Variants in STK33 observed in about 807,000 individuals in gnomAD.
STK33 encodes serine/threonine-protein kinase 33.
A neutral mutation model predicts 58.0 loss-of-function variants in STK33; 52 were observed. That is an observed-to-expected ratio of 0.90 (90% CI 0.72 to 1.13). The LOEUF (loss-of-function observed/expected upper bound fraction) is 1.13, where lower values mean the gene tolerates loss of function less well. Among genes scored for constraint, STK33 ranks in the 50% most tolerant of loss-of-function variants. The pLI, the probability that STK33 is intolerant of heterozygous loss-of-function variation, is 0.00. For synonymous variants in STK33, 215 were observed against 200.1 expected (o/e 1.07, Z -0.63); for missense variants, 630 against 604.2 (o/e 1.04, Z -0.45).
chr11:8,431,303 AG>A (rs1249132503), intron 14 of STK33, among the ~76,000 whole-genome samples: 20 of 152,222 alleles, frequency 1.3e-4, no homozygotes, highest in African/African-American at 4.8e-4. Context: ...GAAAATATAC[AG>A]AAGGAGAAAA....
At chr11:8,406,218 T>C (rs1393235224) in intron 15 of STK33, among the ~76,000 whole-genome samples, 3 of 152,144 alleles carry the variant, frequency 2.0e-5, no homozygotes, top group Non-Finnish European at 4.4e-5. Flanking sequence ...CCAATTTTGT[T>C]CTACTAATCT....
chr11:8,508,373 A>T (rs1455980995), intron 1 of STK33, among the ~76,000 whole-genome samples: 1 of 146,328 alleles, frequency 6.8e-6, no homozygotes, highest in Non-Finnish European at 1.5e-5. Flanking sequence ...GGCTGAAGTG[A>T]TCCAACTACC....
chr11:8,589,962 A>G (rs536324574), intron 1 of STK33, among the ~76,000 whole-genome samples: 44 of 152,342 alleles, frequency 2.9e-4, no homozygotes, highest in African/African-American at 9.9e-4. Context: ...TAGAGCAAAG[A>G]TAAGAGCCTC....
Position 8,461,816 on chromosome 11 carries a change from C to G in STK33, c.547G>C (p.Glu183Gln), listed in dbSNP as rs761405379. Reference protein sequence around the residue: ...EHIIHLEQVFETPKKMYLVME... With the variant: ...EHIIHLEQVFQTPKKMYLVME... ...TAATAGAGGTTTACCTTTGGCGTTT[C>G]AAATACTTGTTCCAGATGTATGATG... is the stretch of plus-strand genomic sequence containing the variant. The change falls in exon 8 of 16, where the codon GAA (glutamate) becomes CAA (glutamine). Residue 183 changes from glutamate to glutamine, a missense_variant. Glu to Gln is a conservative substitution (Grantham distance 29). Transcript: ENST00000687296. 1.3e-6 allele frequency: 2 copies of G among 1,585,798 alleles called. No homozygotes were observed. Among genetic ancestry groups the G allele is most frequent in the Non-Finnish European group, 1.7e-6 (2 of 1,169,724 alleles).
intron 1 of STK33, among the ~76,000 whole-genome samples, chr11:8,489,489 C>T (rs1448863738): frequency 6.6e-6 from 1 of 152,084 alleles, no homozygotes. Flanking sequence ...GGCACTAGCA[C>T]CTGGTGAATA....
chr11:8,569,948 CA>C (rs954787274), intron 1 of STK33, among the ~76,000 whole-genome samples: 75 of 151,562 alleles, frequency 4.9e-4, no homozygotes, highest in African/African-American at 1.7e-3. Flanking sequence ...GACCCTGTCT[CA>C]AAAAAATAAA....
rs542179601 is a variant in STK33, at chr11:8,574,720, A to G, written c.-466+19363T>C. On this transcript the variant is annotated intron_variant, in intron 1 of 15. Transcript: ENST00000687296. ...AAGCAAAAATTCTTAAGAAAATGTT[A>G]GCAAACTAAATCCTCTAATATATAA... is the stretch of plus-strand genomic sequence containing the variant. Among the ~76,000 whole-genome samples the G allele has an allele frequency of 1.5e-3, 222 of 152,280 alleles. 2 individuals carry two copies. Among genetic ancestry groups the G allele is most frequent in the African/African-American group, 5.2e-3 (217 of 41,564 alleles).
At chr11:8,560,141 T>C (rs914740327) in intron 1 of STK33, among the ~76,000 whole-genome samples, 1 of 152,184 alleles carries the variant, frequency 6.6e-6, no homozygotes, top group African/African-American at 2.4e-5. Flanking sequence ...ATGAATATAT[T>C]TGTAGAATAC....
At chr11:8,374,573 G>T in the STK33 span, among the ~76,000 whole-genome samples, 1,280 of 152,262 alleles carry the variant, frequency 8.4e-3, 15 homozygotes, top group African/African-American at 0.028. Context: ...GGTCTCCAGT[G>T]TCTCTTTTTA....
the STK33 span, among the ~76,000 whole-genome samples, chr11:8,381,848 C>A: frequency 2.0e-5 from 3 of 152,156 alleles, no homozygotes; most frequent in South Asian, 6.2e-4. Flanking sequence ...ATGTTCCTTG[C>A]AATTTGGAAA....
chr11:8,516,892 C>T (rs1467297673), intron 1 of STK33, among the ~76,000 whole-genome samples: 1 of 152,174 alleles, frequency 6.6e-6, no homozygotes, highest in Non-Finnish European at 1.5e-5. Context: ...CCTCTGTAGA[C>T]TCCACATCTG....
chr11:8,532,280 T>C (rs896238537), intron 1 of STK33, among the ~76,000 whole-genome samples: 1 of 152,280 alleles, frequency 6.6e-6, no homozygotes, highest in African/African-American at 2.4e-5. Flanking sequence ...TATGGCCCAG[T>C]GGCCAAATCT....
At chr11:8,387,851 T>C (rs1031310308), downstream of STK33, among the ~76,000 whole-genome samples, 2 of 122,266 alleles carry the variant, frequency 1.6e-5, no homozygotes, top group Non-Finnish European at 3.2e-5. Context: ...AGCCTTGCAA[T>C]TGCTCCTGGG....
rs541362685 is a variant in STK33, at chr11:8,533,590, A to T, written c.-465-52976T>A. The stretch of plus-strand genomic sequence containing the variant: ...GCACGAACAAAGCCTGGCACACAGA[A>T]AAAACACCATTAATATTTAAGAAAG... On this transcript the variant is annotated intron_variant, in intron 1 of 15. Transcript: ENST00000687296. The T allele has an allele frequency of 5.9e-5, 9 of 152,344 alleles. No homozygotes were observed. The South Asian group carries it at 1.9e-3, about 32-fold the overall frequency. The allele number at this position is 152,344 out of a possible 1,614,324, so 9.4% of individuals were successfully genotyped here.
chr11:8,401,611 T>C (rs1937975601), intron 15 of STK33, among the ~76,000 whole-genome samples: 3 of 152,110 alleles, frequency 2.0e-5, no homozygotes, highest in African/African-American at 7.2e-5. Context: ...AAAGTCAAAA[T>C]TGACAAATGG....
intron 13 of STK33, 60 bp from the exon 14 acceptor site, chr11:8,435,639 T>G (rs1461440378): frequency 9.6e-7 from 1 of 1,040,678 alleles, no homozygotes; most frequent in Non-Finnish European, 1.3e-6. Flanking sequence ...AGCATACATT[T>G]TACAATTTTT....
At chr11:8,472,236 A>G (rs778250999) in intron 6 of STK33, among the ~76,000 whole-genome samples, 70 of 145,206 alleles carry the variant, frequency 4.8e-4, no homozygotes, top group Non-Finnish European at 8.2e-4. Flanking sequence ...GCCCAAGACT[A>G]AATTTAAAAC....
At chr11:8,433,244 T>C (rs556089162) in intron 14 of STK33, among the ~76,000 whole-genome samples, 2 of 139,934 alleles carry the variant, frequency 1.4e-5, no homozygotes, top group South Asian at 5.1e-4. Context: ...AGACTATTTT[T>C]AGCCCTTAAA....
chr11:8,389,063 G>A (rs1848582869), downstream of STK33, among the ~76,000 whole-genome samples: 1 of 142,628 alleles, frequency 7.0e-6, no homozygotes, highest in Admixed American at 7.0e-5. Flanking sequence ...TTGAGTTGCA[G>A]CCAAAGACAG....
Sources: gnomAD v4.1 joint callset for allele counts (sites outside exome capture counted in the v4.1 genomes callset) on GRCh38, gnomAD v4.1.1 for gene constraint, MANE v1.5 for transcripts, NCBI Gene and HGNC (gene_info 2026-07-23, HGNC 2026-07-21) for gene names.